Variants in PCDHGB1 observed in about 807,000 individuals in gnomAD.
The protein encoded by PCDHGB1 is protocadherin gamma-B1.
PCDHGB1 carries 34 observed loss-of-function variants against 56.6 expected under a neutral mutation model. The observed-to-expected ratio is 0.60, with a 90% confidence interval of 0.46 to 0.80. The LOEUF is 0.80. Ranked by LOEUF, PCDHGB1 falls within the 30% of genes least tolerant of loss-of-function variation. The pLI, the probability that PCDHGB1 is intolerant of heterozygous loss-of-function variation, is 0.00. For synonymous variants in PCDHGB1, 561 were observed against 505.9 expected (o/e 1.11, Z -1.46); for missense variants, 1,278 against 1,204.6 (o/e 1.06, Z -0.90).
chr5:141,359,342 G>A (rs1479136491), intron 1 of PCDHGB1, among the ~76,000 whole-genome samples: 1 of 152,012 alleles, frequency 6.6e-6, no homozygotes, highest in Non-Finnish European at 1.5e-5. Flanking sequence ...GAATGAGAGT[G>A]CCACATGTTT....
chr5:141,385,085 A>C, intron 1 of PCDHGB1: 1 of 1,614,132 alleles, frequency 6.2e-7, no homozygotes, highest in South Asian at 1.1e-5. Context: ...CAGGCTTCAG[A>C]AGGTGGCTTG....
intron 1 of PCDHGB1, chr5:141,362,239 CTCT>C (rs1588573433): frequency 1.2e-6 from 2 of 1,614,060 alleles, no homozygotes; most frequent in East Asian, 2.2e-5. Flanking sequence ...GATCTCAGTG[CTCT>C]TCTTCCTCGC....
At chr5:141,404,616 A>G (rs940307932) in intron 1 of PCDHGB1, 3 of 1,614,168 alleles carry the variant, frequency 1.9e-6, no homozygotes, top group Non-Finnish European at 2.5e-6. Flanking sequence ...GTTTTGGACC[A>G]GAATGACAAT....
At chr5:141,496,639 C>T (rs752903356) in intron 2 of PCDHGB1, among the ~76,000 whole-genome samples, 1 of 152,222 alleles carries the variant, frequency 6.6e-6, no homozygotes, top group Non-Finnish European at 1.5e-5. Context: ...TTGGGCTGCC[C>T]TTGCCCTTCC....
intron 1 of PCDHGB1, chr5:141,375,778 C>T (rs772854971): frequency 1.9e-6 from 3 of 1,614,242 alleles, no homozygotes; most frequent in South Asian, 2.2e-5. Flanking sequence ...TCCTGTACCC[C>T]GCCCTCCCCA....
intron 1 of PCDHGB1, chr5:141,393,683 G>A (rs370409157): frequency 9.9e-6 from 16 of 1,613,730 alleles, no homozygotes; most frequent in South Asian, 8.8e-5. Context: ...AACAAACTCC[G>A]TTATTCCAGC....
At chr5:141,389,039 A>C in intron 1 of PCDHGB1, 1 of 1,613,988 alleles carries the variant, frequency 6.2e-7, no homozygotes, top group Non-Finnish European at 8.5e-7. Context: ...GTAAATTGGA[A>C]GGTGATGTTC....
Position 141,485,633 on chromosome 5 carries a change from T to C in PCDHGB1, c.2410-9174T>C. 2 of 1,611,808 alleles carry C rather than the reference T, an allele frequency of 1.2e-6. No homozygotes were observed. Among genetic ancestry groups the C allele is most frequent in the South Asian group, 1.1e-5 (1 of 90,962 alleles). On this transcript the variant is annotated intron_variant, in intron 1 of 3. Coordinates refer to ENST00000523390, the MANE Select transcript of PCDHGB1 (RefSeq NM_018922.3). The surrounding 1 kb of genome is among the most constrained non-coding windows in gnomAD (Gnocchi z 5.7). Reference sequence around the variant, plus strand: ...AGCTCCTCCAGGACAGCGTTTCCCGTTGGAAAAGGCTCAGGATGCAGATGT... The same window carrying C: ...AGCTCCTCCAGGACAGCGTTTCCCGCTGGAAAAGGCTCAGGATGCAGATGT...
At chr5:141,508,718 G>T (rs2099871076) in intron 3 of PCDHGB1, among the ~76,000 whole-genome samples, 1 of 151,852 alleles carries the variant, frequency 6.6e-6, no homozygotes, top group Non-Finnish European at 1.5e-5. Flanking sequence ...TTTTCTGTGT[G>T]CAGGGAGACT....
chr5:141,410,779 T>C, intron 1 of PCDHGB1: 4 of 947,572 alleles, frequency 4.2e-6, no homozygotes, highest in Non-Finnish European at 6.0e-6. Flanking sequence ...TTTCACTATG[T>C]ATTTGGTTCA....
At position 141,485,662 on chromosome 5, in the gene PCDHGB1, G is replaced by T. The variant is rs778404230; in HGVS notation, c.2410-9145G>T. ...AAAAGGCTCAGGATGCAGATGTGGG[G>T]AGCAATTCGATTAGCAGCTATAGGC... On this transcript the variant is annotated intron_variant, in intron 1 of 3. Coordinates refer to ENST00000523390, the MANE Select transcript of PCDHGB1 (RefSeq NM_018922.3). This position sits in a 1 kb window ranked among gnomAD's most constrained non-coding sequence, Gnocchi z 5.7. The T allele has an allele frequency of 1.1e-5, 18 of 1,612,748 alleles. No individual in the cohort carries two copies. The South Asian group carries it at 1.9e-4, about 17-fold the overall frequency.
rs776008188 is a variant in PCDHGB1, at chr5:141,376,058, A to T, written c.2409+23389A>T. The T allele has an allele frequency of 4.3e-6, 7 of 1,613,282 alleles. No homozygotes were observed. In the East Asian group the frequency reaches 1.3e-4, roughly 31 times the overall value. ...CCAGCCCCCTCTCTCCGCCACTGTC[A>T]CGCTCACCGTGGCCGTGGCCGACAG... On this transcript the variant is annotated intron_variant, in intron 1 of 3. Transcript: ENST00000523390.
Position 141,490,536 on chromosome 5 carries a change from T to C in PCDHGB1, c.2410-4271T>C. ...TGCTGGCCAGCGATGCTGGTTCACCTTCCCTACACAAACATCTCACCATCA... is the reference window on the plus strand; with the variant it reads ...TGCTGGCCAGCGATGCTGGTTCACCCTCCCTACACAAACATCTCACCATCA... On this transcript the variant is annotated intron_variant, in intron 1 of 3. Transcript: ENST00000523390. The surrounding 1 kb of genome is among the most constrained non-coding windows in gnomAD (Gnocchi z 5.4). The C allele has an allele frequency of 1.9e-6, 3 of 1,614,150 alleles. No individual in the cohort carries two copies. The highest frequency in any genetic ancestry group is 2.5e-6 in the Non-Finnish European group (3 of 1,180,010).
At position 141,422,630 on chromosome 5, in the gene PCDHGB1, G is replaced by A. The variant is rs1193466428; in HGVS notation, c.2409+69961G>A. 5 of 1,613,176 alleles carry A rather than the reference G, an allele frequency of 3.1e-6. No homozygotes were observed. The Admixed American group carries it at 8.3e-5, about 27-fold the overall frequency. On this transcript the variant is annotated intron_variant, in intron 1 of 3. Coordinates refer to ENST00000523390, the MANE Select transcript of PCDHGB1 (RefSeq NM_018922.3). ...GCCTACATTCCCGAAAACAACCCCA[G>A]GGGTGCCTCCATCTTCTCAGTGACC...
chr5:141,462,552 T>A (rs966816379), intron 1 of PCDHGB1, among the ~76,000 whole-genome samples: 1 of 152,194 alleles, frequency 6.6e-6, no homozygotes, highest in Non-Finnish European at 1.5e-5. Context: ...TCTTCTTCAG[T>A]GTTTACTGTA....
rs375882135 is a variant in PCDHGB1 at position 141,389,276 on chromosome 5, G to C, written c.2409+36607G>C. The C allele has an allele frequency of 7.9e-5, 128 of 1,613,976 alleles. No individual in the cohort carries two copies. In the Middle Eastern group the frequency reaches 1.8e-3, roughly 23 times the overall value. On this transcript the variant is annotated intron_variant, in intron 1 of 3. Coordinates refer to ENST00000523390, the MANE Select transcript of PCDHGB1 (RefSeq NM_018922.3). ...TAGTCCACGTGGCCGAGAACAACCC[G>C]CCTGGAGCCTCTATTTCACAAGTCA...
chr5:141,497,197 A>G (rs1243476120), intron 2 of PCDHGB1, among the ~76,000 whole-genome samples: 2 of 106,804 alleles, frequency 1.9e-5, no homozygotes, highest in African/African-American at 5.7e-5. Flanking sequence ...GCAGAGAACA[A>G]TGTGAGTGTA....
chr5:141,501,891 T>G (rs2099811650), intron 2 of PCDHGB1, among the ~76,000 whole-genome samples: 1 of 152,128 alleles, frequency 6.6e-6, no homozygotes, highest in Admixed American at 6.5e-5. Context: ...CTGATCATCA[T>G]GGTTCCAACC....
At chr5:141,370,245 C>G (rs1766766732) in intron 1 of PCDHGB1, 1 of 646,036 alleles carries the variant, frequency 1.5e-6, no homozygotes, top group Non-Finnish European at 2.5e-6. Context: ...GAAAAGTGCA[C>G]TCTCTATCAG....
Sources: allele counts gnomAD v4.1 joint callset (sites outside exome capture counted in the v4.1 genomes callset), GRCh38; gene constraint gnomAD v4.1.1; non-coding constraint Gnocchi (gnomAD v3.1); transcripts MANE v1.5; gene names NCBI Gene and HGNC (gene_info 2026-07-23, HGNC 2026-07-21).